FAM168B: variants seen among roughly 807,000 people sequenced by gnomAD.
FAM168B encodes the protein myelin-associated neurite-outgrowth inhibitor.
Under a neutral mutation model 21.8 loss-of-function variants are expected in FAM168B, and 19 were observed. The observed-to-expected ratio is 0.87, with a 90% CI of 0.61 to 1.28. FAM168B has a LOEUF of 1.28. FAM168B is among the 50% of genes most tolerant of loss of function. The pLI is 0.00. For missense variants in FAM168B, 233 were observed against 263.1 expected (o/e 0.89, Z 0.79); for synonymous variants, 126 against 104.8 (o/e 1.20, Z -1.24).
chr2:131,091,318 G>C (rs150228271), intron 1 of FAM168B, among the ~76,000 whole-genome samples: 17 of 151,608 alleles, frequency 1.1e-4, no homozygotes, highest in African/African-American at 3.9e-4. Flanking sequence ...CAGCCTGGGC[G>C]ACAGAACAAA....
intron 3 of FAM168B, among the ~76,000 whole-genome samples, chr2:131,060,904 T>C (rs1402319161): frequency 1.3e-5 from 2 of 151,738 alleles, no homozygotes; most frequent in Non-Finnish European, 2.9e-5. Flanking sequence ...TAGGCTGGAG[T>C]GCAGTGGCGC....
intron 1 of FAM168B, among the ~76,000 whole-genome samples, chr2:131,089,287 T>G (rs1693886029): frequency 6.6e-6 from 1 of 151,846 alleles, no homozygotes. Context: ...ATTTTTAGTT[T>G]CCCATTTGAA....
intron 2 of FAM168B, among the ~76,000 whole-genome samples, chr2:131,078,079 T>A (rs1180946709): frequency 6.6e-6 from 1 of 152,162 alleles, no homozygotes; most frequent in East Asian, 1.9e-4. Flanking sequence ...ACATCATCAG[T>A]GAAACCACCC....
chr2:131,072,730 T>C (rs1331916634), intron 2 of FAM168B, among the ~76,000 whole-genome samples: 1 of 152,186 alleles, frequency 6.6e-6, no homozygotes, highest in Non-Finnish European at 1.5e-5. Context: ...GTGCTGGGAT[T>C]ACAGGCATAA....
intron 1 of FAM168B, among the ~76,000 whole-genome samples, chr2:131,092,811 A>C (rs1388299481): frequency 6.6e-6 from 1 of 152,162 alleles, no homozygotes; most frequent in Non-Finnish European, 1.5e-5. Flanking sequence ...CCAAGCAAAA[A>C]AATAAAAATA....
At position 131,048,567 on chromosome 2, in the gene FAM168B, C is replaced by A; in HGVS notation, c.*3898G>T. The A allele has an allele frequency of 9.0e-7, 1 of 1,105,334 alleles. No homozygotes were observed. The highest frequency in any genetic ancestry group is 1.1e-6 in the Non-Finnish European group (1 of 895,048). 68.5% of individuals were successfully genotyped at this position (1,105,334 alleles called of 1,614,324 possible). A position where few individuals can be genotyped will look rare whatever the true frequency, so the allele number is the denominator to read the frequency against. ...CAAACTTTCTGAAACATGCAGTTTC[C>A]GACCCAAATAGGCCACATACCCCAA... is the stretch of plus-strand genomic sequence containing the variant. On this transcript the variant is annotated 3_prime_UTR_variant, in exon 7 of 7. Coordinates refer to ENST00000389915, the MANE Select transcript of FAM168B (RefSeq NM_001009993.4).
At chr2:131,056,341 T>C (rs941757526) in intron 3 of FAM168B, among the ~76,000 whole-genome samples, 5 of 151,770 alleles carry the variant, frequency 3.3e-5, no homozygotes, top group Non-Finnish European at 7.4e-5. Flanking sequence ...TCACCAAGAA[T>C]GGAAGAGAAG....
chr2:131,090,442 C>T (rs751728864), intron 1 of FAM168B, among the ~76,000 whole-genome samples: 11 of 151,842 alleles, frequency 7.2e-5, no homozygotes, highest in South Asian at 2.1e-4. Flanking sequence ...TACTATAACA[C>T]GAGGCCTTTA....
At chr2:131,090,285 C>G (rs1456751210) in intron 1 of FAM168B, among the ~76,000 whole-genome samples, 1 of 148,176 alleles carries the variant, frequency 6.7e-6, no homozygotes, top group East Asian at 2.0e-4. Context: ...TGCCACTGCA[C>G]TCCAGCCTGG....
intron 1 of FAM168B, among the ~76,000 whole-genome samples, chr2:131,087,837 T>C (rs980180696): frequency 9.2e-5 from 14 of 152,168 alleles, no homozygotes; most frequent in African/African-American, 3.4e-4. Flanking sequence ...ACATGAACAT[T>C]TGTAACAGCA....
intron 3 of FAM168B, among the ~76,000 whole-genome samples, chr2:131,066,994 C>G (rs1017082525): frequency 6.6e-6 from 1 of 152,160 alleles, no homozygotes; most frequent in Non-Finnish European, 1.5e-5. Flanking sequence ...CAAACGTGTG[C>G]AGGGGAACTG....
intron 1 of FAM168B, among the ~76,000 whole-genome samples, chr2:131,087,095 G>A (rs1479099020): frequency 5.3e-5 from 7 of 132,408 alleles, no homozygotes; most frequent in African/African-American, 1.2e-4. Flanking sequence ...AGAGTCACAA[G>A]AGAATAAAGT....
At chr2:131,078,484 G>C (rs1693274141) in intron 2 of FAM168B, among the ~76,000 whole-genome samples, 1 of 152,182 alleles carries the variant, frequency 6.6e-6, no homozygotes, top group Admixed American at 6.5e-5. Context: ...TTCCAGGAGA[G>C]GAGAGAAAGG....
At chr2:131,058,948 G>C (rs1373717129) in intron 3 of FAM168B, among the ~76,000 whole-genome samples, 1 of 152,148 alleles carries the variant, frequency 6.6e-6, no homozygotes, top group Non-Finnish European at 1.5e-5. Context: ...AATTATAAAG[G>C]AAAAGGTAGT....
intron 2 of FAM168B, among the ~76,000 whole-genome samples, chr2:131,081,751 C>T (rs1164688095): frequency 1.3e-5 from 2 of 152,158 alleles, no homozygotes; most frequent in Admixed American, 6.6e-5. Flanking sequence ...AGCACATGTG[C>T]CCAGGACAGG....
At chr2:131,058,924 G>A (rs1692162372) in intron 3 of FAM168B, among the ~76,000 whole-genome samples, 1 of 152,196 alleles carries the variant, frequency 6.6e-6, no homozygotes, top group Non-Finnish European at 1.5e-5. Context: ...AAGGTAGTGT[G>A]AATGCCATCA....
At chr2:131,075,248 T>A (rs1693082873) in intron 2 of FAM168B, among the ~76,000 whole-genome samples, 1 of 149,790 alleles carries the variant, frequency 6.7e-6, no homozygotes, top group Non-Finnish European at 1.5e-5. Context: ...ACCAGCAAGA[T>A]TTTTTTTTCC....
At chr2:131,089,797 G>C (rs1371491807) in intron 1 of FAM168B, among the ~76,000 whole-genome samples, 1 of 151,934 alleles carries the variant, frequency 6.6e-6, no homozygotes, top group Admixed American at 6.6e-5. Context: ...ACTTTGGGAG[G>C]CCAAGGTGGG....
At chr2:131,089,341 A>G (rs1192821667) in intron 1 of FAM168B, among the ~76,000 whole-genome samples, 5 of 152,134 alleles carry the variant, frequency 3.3e-5, no homozygotes, top group Admixed American at 1.3e-4. Flanking sequence ...TGACACCTGC[A>G]TTAGAATAGA....
Sources: gnomAD v4.1 joint callset for allele counts (sites outside exome capture counted in the v4.1 genomes callset) on GRCh38, gnomAD v4.1.1 for gene constraint, MANE v1.5 for transcripts, NCBI Gene and HGNC (gene_info 2026-07-23, HGNC 2026-07-21) for gene names.